The following MAGI2 variants were observed in gnomAD, a reference collection of about 807,000 sequenced individuals.
MAGI2 encodes membrane-associated guanylate kinase, WW and PDZ domain-containing protein 2.
MAGI2 carries 35 observed loss-of-function variants against 133.3 expected under a neutral mutation model. The observed-to-expected ratio is 0.26, with a 90% CI of 0.20 to 0.35. The LOEUF (loss-of-function observed/expected upper bound fraction) is 0.35, where lower values mean the gene tolerates loss of function less well. Among genes scored for constraint, MAGI2 ranks in the 10% least tolerant of loss-of-function variants. The pLI, the probability that MAGI2 is intolerant of heterozygous loss-of-function variation, is 1.00. For missense variants in MAGI2, 1,636 were observed against 1,863.4 expected, an observed-to-expected ratio of 0.88 and a Z score of 2.25; for synonymous variants, 729 against 710.6, an observed-to-expected ratio of 1.03 and a Z score of -0.41.
chr7:78,040,340 A>G (rs902058947), intron 21 of MAGI2, among the ~76,000 whole-genome samples: 91 of 54,794 alleles, frequency 1.7e-3, no homozygotes, highest in African/African-American at 6.6e-3. Context: ...AGCGAGGATG[A>G]GGGGAGGCAC....
rs1375103621 is a variant in MAGI2 at position 78,120,099 on chromosome 7, A to AT, written c.3567+5594dup. ...GCAATTCCAATAAAATTCTAACAGG[A>AT]TTTTTTAGAAACTTGACAAGTGGCC... On this transcript the variant is annotated intron_variant, in intron 20 of 21. Coordinates refer to ENST00000354212, the MANE Select transcript of MAGI2 (RefSeq NM_012301.4). Among the ~76,000 whole-genome samples, 8 of 152,304 alleles carry AT rather than the reference A, an allele frequency of 5.3e-5. No individual in the cohort carries two copies. The East Asian group carries it at 5.8e-4, about 11-fold the overall frequency.
At chr7:78,088,806 G>A (rs1428545166) in intron 20 of MAGI2, among the ~76,000 whole-genome samples, 7 of 152,216 alleles carry the variant, frequency 4.6e-5, no homozygotes, top group Non-Finnish European at 7.3e-5. Context: ...CTAGTCCCTG[G>A]AAGCTGTGTT....
At chr7:78,189,432 C>T (rs1401703744) in intron 12 of MAGI2, among the ~76,000 whole-genome samples, 1 of 152,176 alleles carries the variant, frequency 6.6e-6, no homozygotes, top group African/African-American at 2.4e-5. Context: ...ATTGTGTGAG[C>T]TCTTTTGAAG....
chr7:78,978,152 G>A (rs768355525), intron 2 of MAGI2, among the ~76,000 whole-genome samples: 2 of 151,660 alleles, frequency 1.3e-5, no homozygotes, highest in Non-Finnish European at 1.5e-5. Flanking sequence ...ATATAATTTG[G>A]CAATTGGAGT....
chr7:78,417,719 G>A (rs1798429455), intron 6 of MAGI2, among the ~76,000 whole-genome samples: 1 of 152,046 alleles, frequency 6.6e-6, no homozygotes, highest in Non-Finnish European at 1.5e-5. Flanking sequence ...ATATTACTGT[G>A]CTTATTTTAA....
chr7:78,671,330 G>C (rs531854769), intron 2 of MAGI2, among the ~76,000 whole-genome samples: 81 of 149,680 alleles, frequency 5.4e-4, no homozygotes, highest in Non-Finnish European at 9.9e-4. Context: ...TTCCCCTAAG[G>C]AAACATTACG....
At chr7:78,608,290 C>A (rs2150902298) in intron 3 of MAGI2, among the ~76,000 whole-genome samples, 2 of 152,280 alleles carry the variant, frequency 1.3e-5, no homozygotes, top group East Asian at 1.9e-4. Context: ...CCCATTCACA[C>A]TCTTCTACCC....
rs1791821399 is a variant in MAGI2, at chr7:78,476,945, C to CAT, written c.1045+12814_1045+12815dup. Among the ~76,000 whole-genome samples, 4 of 151,980 alleles carry CAT rather than the reference C, an allele frequency of 2.6e-5. No individual in the cohort carries two copies. In the South Asian group the frequency reaches 8.3e-4, roughly 32 times the overall value. ...CCTTGGAATGCACTGTTTTATGATG[C>CAT]ATAGCATTTAGGAAACCTCAAAATT... On this transcript the variant is annotated intron_variant, in intron 6 of 21. Coordinates refer to ENST00000354212, the MANE Select transcript of MAGI2 (RefSeq NM_012301.4).
chr7:79,022,597 G>A (rs892573508), intron 1 of MAGI2, among the ~76,000 whole-genome samples: 1 of 120,074 alleles, frequency 8.3e-6, no homozygotes, highest in African/African-American at 3.1e-5. Flanking sequence ...GAATTAATAA[G>A]ACAAATACAC....
At chr7:78,504,705 T>A (rs61073045) in intron 4 of MAGI2, among the ~76,000 whole-genome samples, 4,747 of 152,280 alleles carry the variant, frequency 0.031, 177 homozygotes, top group African/African-American at 0.084. Context: ...GGCAGTATTA[T>A]ATAATGATGC....
At chr7:78,871,895 A>T (rs1424118233) in intron 2 of MAGI2, among the ~76,000 whole-genome samples, 1 of 152,120 alleles carries the variant, frequency 6.6e-6, no homozygotes, top group Non-Finnish European at 1.5e-5. Flanking sequence ...AAATGATGGT[A>T]AATATAACCA....
intron 2 of MAGI2, among the ~76,000 whole-genome samples, chr7:78,781,126 C>T (rs1826357740): frequency 6.6e-6 from 1 of 152,200 alleles, no homozygotes; most frequent in African/African-American, 2.4e-5. Flanking sequence ...CGCCTGTAAT[C>T]CCAGCACTCT....
chr7:78,891,212 G>C (rs1197811120), intron 2 of MAGI2, among the ~76,000 whole-genome samples: 2 of 152,106 alleles, frequency 1.3e-5, no homozygotes, highest in African/African-American at 4.8e-5. Flanking sequence ...CCAATAACAG[G>C]CTCTGAAATT....
chr7:78,355,914 G>A (rs1270400048), intron 7 of MAGI2, among the ~76,000 whole-genome samples: 2 of 152,156 alleles, frequency 1.3e-5, no homozygotes, highest in Non-Finnish European at 2.9e-5. Context: ...GACTGAACGT[G>A]TTTTACCAGA....
chr7:78,555,096 T>A (rs987046268), intron 3 of MAGI2, among the ~76,000 whole-genome samples: 1 of 151,644 alleles, frequency 6.6e-6, no homozygotes, highest in Admixed American at 6.6e-5. Flanking sequence ...CTATGATCAC[T>A]GCACTCCAGT....
chr7:78,032,171 CCTTT>C (rs1809660999), intron 21 of MAGI2, among the ~76,000 whole-genome samples: 1 of 151,888 alleles, frequency 6.6e-6, no homozygotes, highest in African/African-American at 2.4e-5. Context: ...CTTTCAAAAC[CCTTT>C]CTTCTCATTC....
At chr7:78,952,580 C>T (rs879760181) in intron 2 of MAGI2, among the ~76,000 whole-genome samples, 2 of 152,038 alleles carry the variant, frequency 1.3e-5, no homozygotes, top group Non-Finnish European at 2.9e-5. Context: ...ATTGCTTAAG[C>T]AGTTGAAACA....
intron 20 of MAGI2, among the ~76,000 whole-genome samples, chr7:78,087,813 G>A (rs976849871): frequency 3.3e-5 from 5 of 152,192 alleles, no homozygotes; most frequent in African/African-American, 4.8e-5. Context: ...TGCAAGTGTG[G>A]CAACAGACAT....
chr7:78,600,485 A>T (rs570011195), intron 3 of MAGI2, among the ~76,000 whole-genome samples: 14 of 152,324 alleles, frequency 9.2e-5, no homozygotes, highest in Middle Eastern at 3.4e-3. Context: ...GGGAAAAATA[A>T]CTTATAAATT....
Sources: allele counts gnomAD v4.1 joint callset (sites outside exome capture counted in the v4.1 genomes callset), GRCh38; gene constraint gnomAD v4.1.1; transcripts MANE v1.5; gene names NCBI Gene and HGNC (gene_info 2026-07-23, HGNC 2026-07-21).